ABHD17B: variants seen among roughly 807,000 people sequenced by gnomAD.
ABHD17B encodes alpha/beta hydrolase domain-containing protein 17B.
In ABHD17B, 9 loss-of-function variants were observed where a neutral mutation model predicts 26.2. The ratio of observed to expected loss-of-function variants is 0.34; its 90% CI spans 0.21 to 0.60. The LOEUF is 0.60. Among genes scored for constraint, ABHD17B ranks in the 20% least tolerant of loss-of-function variants. The pLI, the probability that ABHD17B is intolerant of heterozygous loss-of-function variation, is 0.80. For missense variants in ABHD17B, 224 were observed against 352.1 expected (o/e 0.64, Z 2.91); for synonymous variants, 127 against 122.3 (o/e 1.04, Z -0.25).
intron 1 of ABHD17B, among the ~76,000 whole-genome samples, chr9:71,898,593 C>T (rs1827033310): frequency 6.6e-6 from 1 of 152,000 alleles, no homozygotes; most frequent in South Asian, 2.1e-4. Flanking sequence ...GAGCCAAGAT[C>T]GTGCCTTTGC....
rs200141952 is a variant in ABHD17B at position 71,894,839 on chromosome 9, GTTTCT to G, written c.-4+15790_-4+15794del. ...AGAACACGTCTCCTAAAAAAAAAAA[GTTTCT>G]TTTGATTGTACAATTAATCAAATGA... On this transcript the variant is annotated intron_variant, in intron 1 of 3. Coordinates refer to ENST00000333421, the MANE Select transcript of ABHD17B (RefSeq NM_001025780.3). Among the ~76,000 whole-genome samples, 848 of 151,900 alleles carry G rather than the reference GTTTCT, an allele frequency of 5.6e-3. 8 individuals carry two copies. Among genetic ancestry groups the G allele is most frequent in the African/African-American group, 0.02 (810 of 41,452 alleles).
At chr9:71,876,388 T>C (rs1042175241) in intron 1 of ABHD17B, among the ~76,000 whole-genome samples, 1 of 152,202 alleles carries the variant, frequency 6.6e-6, no homozygotes, top group Admixed American at 6.5e-5. Context: ...TGAAGGCCCA[T>C]CATACAACAT....
At chr9:71,895,352 G>A (rs991222959) in intron 1 of ABHD17B, among the ~76,000 whole-genome samples, 2 of 152,126 alleles carry the variant, frequency 1.3e-5, no homozygotes, top group Admixed American at 6.5e-5. Flanking sequence ...TCTTAGACCT[G>A]GAAGCCAAGA....
intron 1 of ABHD17B, among the ~76,000 whole-genome samples, chr9:71,907,885 G>A (rs1709099207): frequency 1.3e-5 from 2 of 152,048 alleles, no homozygotes; most frequent in Non-Finnish European, 2.9e-5. Flanking sequence ...TCATTATATT[G>A]TATGGCACCA....
chr9:71,870,286 C>T (rs1461878427), intron 2 of ABHD17B, 24 bp from the exon 3 acceptor site: 1 of 1,540,086 alleles, frequency 6.5e-7, no homozygotes, highest in Admixed American at 2.2e-5. Context: ...GCGTTAAAAA[C>T]AAAAACCAAA....
chr9:71,897,447 T>C (rs1826991149), intron 1 of ABHD17B, among the ~76,000 whole-genome samples: 1 of 151,982 alleles, frequency 6.6e-6, no homozygotes, highest in Non-Finnish European at 1.5e-5. Context: ...AGCCCAGGAG[T>C]CGAGGCTACA....
At chr9:71,904,932 CAA>C (rs1228824830) in intron 1 of ABHD17B, among the ~76,000 whole-genome samples, 1 of 152,106 alleles carries the variant, frequency 6.6e-6, no homozygotes, top group Non-Finnish European at 1.5e-5. Flanking sequence ...TCATTATATA[CAA>C]ACAGTTCAAC....
intron 1 of ABHD17B, among the ~76,000 whole-genome samples, chr9:71,885,890 AG>A (rs1826593805): frequency 6.6e-6 from 1 of 152,198 alleles, no homozygotes; most frequent in African/African-American, 2.4e-5. Context: ...AATTATTATA[AG>A]GTTTAAGATT....
rs758580283 is a variant in ABHD17B, at chr9:71,865,584, G to T, written c.*1203C>A. 2.4e-5 allele frequency: 24 copies of T among 984,964 alleles called. No individual in the cohort carries two copies. The highest frequency in any genetic ancestry group is 2.8e-5 in the Non-Finnish European group (23 of 829,792). The allele number at this position is 984,964 out of a possible 1,614,324, so 61.0% of individuals were successfully genotyped here. A position where few individuals can be genotyped will look rare whatever the true frequency, so the allele number is the denominator to read the frequency against. ...CCTATTTTTAAAAATAGCTAAAGTGGGCCAGGCGCAGTGGCTCATGCCTGT... is the reference window on the plus strand; with the variant it reads ...CCTATTTTTAAAAATAGCTAAAGTGTGCCAGGCGCAGTGGCTCATGCCTGT... On this transcript the variant is annotated 3_prime_UTR_variant, in exon 4 of 4. Coordinates refer to ENST00000333421, the MANE Select transcript of ABHD17B (RefSeq NM_001025780.3).
At chr9:71,907,804 C>A (rs1247515559) in intron 1 of ABHD17B, among the ~76,000 whole-genome samples, 4 of 152,090 alleles carry the variant, frequency 2.6e-5, no homozygotes, top group Non-Finnish European at 5.9e-5. Flanking sequence ...CGTGAGCCAC[C>A]GAGCCTGGCC....
chr9:71,900,652 C>CA (rs35196879), intron 1 of ABHD17B, among the ~76,000 whole-genome samples: 789 of 69,404 alleles, frequency 0.011, 14 homozygotes, highest in African/African-American at 0.038. Context: ...ACTCCATCTC[C>CA]AAAAAAAAAA....
chr9:71,903,279 A>G (rs1827195296), intron 1 of ABHD17B, among the ~76,000 whole-genome samples: 1 of 152,108 alleles, frequency 6.6e-6, no homozygotes, highest in Admixed American at 6.5e-5. Context: ...CTCAGACACT[A>G]TAAGAAGCTT....
At chr9:71,870,533 T>G (rs182955296) in intron 2 of ABHD17B, among the ~76,000 whole-genome samples, 1 of 152,336 alleles carries the variant, frequency 6.6e-6, no homozygotes, top group East Asian at 1.9e-4. Context: ...TATTAAATAA[T>G]TTATTACACT....
chr9:71,903,043 G>A (rs1438457504), intron 1 of ABHD17B, among the ~76,000 whole-genome samples: 4 of 152,134 alleles, frequency 2.6e-5, no homozygotes, highest in African/African-American at 4.8e-5. Flanking sequence ...CATTAGGCAT[G>A]TGCTATGCAT....
At chr9:71,862,621 G>A (rs1825856965), downstream of ABHD17B, 4 of 1,094,218 alleles carry the variant, frequency 3.7e-6, no homozygotes, top group Non-Finnish European at 5.7e-6. Flanking sequence ...TAAAATAAAG[G>A]GATTAGGCTA....
chr9:71,862,533 TAATGG>T (rs1564056542), downstream of ABHD17B: 2 of 1,571,062 alleles, frequency 1.3e-6, no homozygotes, highest in Non-Finnish European at 1.7e-6. Flanking sequence ...AAAGAGAAGA[TAATGG>T]AATACATAGT....
chr9:71,891,376 C>T (rs141958111), intron 1 of ABHD17B, among the ~76,000 whole-genome samples: 1 of 152,308 alleles, frequency 6.6e-6, no homozygotes, highest in East Asian at 1.9e-4. Context: ...CTTTACTTAG[C>T]TCAGATAATT....
chr9:71,883,464 T>C (rs185816553), intron 1 of ABHD17B, among the ~76,000 whole-genome samples: 7 of 152,224 alleles, frequency 4.6e-5, no homozygotes, highest in Non-Finnish European at 1.0e-4. Context: ...GATTCTTTAG[T>C]AGATTGTGCT....
Position 71,901,076 on chromosome 9 carries a change from C to T in ABHD17B, c.-4+9558G>A, listed in dbSNP as rs989645291. On this transcript the variant is annotated intron_variant, in intron 1 of 3. Coordinates refer to ENST00000333421, the MANE Select transcript of ABHD17B (RefSeq NM_001025780.3). ...CTGAGGCAAGAGAATGGCCTGAACC[C>T]GGGAGGCGGAGCTTGCAGTGAGCCG... is the stretch of plus-strand genomic sequence containing the variant. 5.3e-5 allele frequency among the ~76,000 whole-genome samples: 8 copies of T among 152,062 alleles called. No individual in the cohort carries two copies. In the East Asian group the frequency reaches 9.6e-4, roughly 18 times the overall value.
Sources: gnomAD v4.1 joint callset for allele counts (sites outside exome capture counted in the v4.1 genomes callset) on GRCh38, gnomAD v4.1.1 for gene constraint, MANE v1.5 for transcripts, NCBI Gene and HGNC (gene_info 2026-07-23, HGNC 2026-07-21) for gene names.